LINGO2: variants seen among roughly 807,000 people sequenced by gnomAD.
The protein encoded by LINGO2 is leucine-rich repeat and immunoglobulin-like domain-containing nogo receptor-interacting protein 2.
LINGO2 carries 14 observed loss-of-function variants against 30.6 expected under a neutral mutation model. The observed-to-expected ratio is 0.46, with a 90% CI of 0.30 to 0.72. The LOEUF (loss-of-function observed/expected upper bound fraction) is 0.72, where lower values mean the gene tolerates loss of function less well. Among genes scored for constraint, LINGO2 ranks in the 30% least tolerant of loss-of-function variants. LINGO2 has a pLI of 0.07. For missense variants in LINGO2, 729 were observed against 751.7 expected (o/e 0.97, Z 0.35); for synonymous variants, 317 against 288.5 (o/e 1.10, Z -1.00).
the LINGO2 span, among the ~76,000 whole-genome samples, chr9:28,910,206 C>T: frequency 6.6e-6 from 1 of 151,846 alleles, no homozygotes; most frequent in Non-Finnish European, 1.5e-5. Flanking sequence ...TATCTCTTTT[C>T]TTAAATGTTG....
chr9:28,387,374 T>C (rs1821628155), intron 2 of LINGO2, among the ~76,000 whole-genome samples: 1 of 152,194 alleles, frequency 6.6e-6, no homozygotes. Flanking sequence ...ATCAGCACTC[T>C]GTAAAAATGG....
chr9:28,725,334 A>G, the LINGO2 span, among the ~76,000 whole-genome samples: 1 of 151,832 alleles, frequency 6.6e-6, no homozygotes, highest in South Asian at 2.1e-4. Flanking sequence ...ATTAATATTG[A>G]AAAAAAATCA....
intron 4 of LINGO2, among the ~76,000 whole-genome samples, chr9:28,054,361 A>G (rs1021253819): frequency 2.0e-5 from 3 of 152,060 alleles, no homozygotes; most frequent in Admixed American, 2.0e-4. Context: ...TTTTACTTAG[A>G]TGCTACAAGA....
In LINGO2 at chr9:28,576,175, T is replaced by C. The variant is rs180674415; in HGVS notation, c.-365+94025A>G. ...TGGGCAAAATCATTTGGCAACACTG[T>C]ACGCTCATAGAGTCTCAATTATTCA... On this transcript the variant is annotated intron_variant, in intron 1 of 5. Transcript: ENST00000379992. Among the ~76,000 whole-genome samples, 78 of 152,358 alleles carry C rather than the reference T, an allele frequency of 5.1e-4. 1 individual carries two copies. Among genetic ancestry groups the C allele is most frequent in the African/African-American group, 1.7e-3 (71 of 41,588 alleles).
At chr9:28,761,669 ATATCT>A in the LINGO2 span, among the ~76,000 whole-genome samples, 1,457 of 152,132 alleles carry the variant, frequency 9.6e-3, 15 homozygotes, top group Middle Eastern at 0.054. Flanking sequence ...AAGGAAAATA[ATATCT>A]TATAGTGATA....
chr9:28,701,421 C>T, the LINGO2 span, among the ~76,000 whole-genome samples: 3 of 151,866 alleles, frequency 2.0e-5, no homozygotes, highest in South Asian at 6.2e-4. Context: ...ATTTTTTTCT[C>T]CATTCTATTG....
intron 4 of LINGO2, among the ~76,000 whole-genome samples, chr9:28,195,449 T>C (rs191404621): frequency 6.8e-6 from 1 of 147,114 alleles, no homozygotes; most frequent in East Asian, 1.9e-4. Context: ...TAATAAAAAA[T>C]AGAAACATGG....
the LINGO2 span, among the ~76,000 whole-genome samples, chr9:28,762,029 T>G: frequency 6.6e-6 from 1 of 151,728 alleles, no homozygotes. Flanking sequence ...ATTCTGTACC[T>G]TTGTGGACAG....
chr9:29,003,990 A>G, the LINGO2 span, among the ~76,000 whole-genome samples: 1 of 151,974 alleles, frequency 6.6e-6, no homozygotes, highest in Non-Finnish European at 1.5e-5. Context: ...TCTAAAAATG[A>G]CACTTTCTTC....
chr9:28,759,169 G>C, the LINGO2 span, among the ~76,000 whole-genome samples: 1 of 152,026 alleles, frequency 6.6e-6, no homozygotes, highest in South Asian at 2.1e-4. Context: ...TAGTAGAGGA[G>C]AGACTCTATG....
the LINGO2 span, among the ~76,000 whole-genome samples, chr9:28,808,513 C>G: frequency 6.6e-6 from 1 of 152,170 alleles, no homozygotes; most frequent in Admixed American, 6.5e-5. Flanking sequence ...GAGGAAAGCT[C>G]TAGCTTTATC....
chr9:28,260,139 G>A (rs796152336), intron 4 of LINGO2, among the ~76,000 whole-genome samples: 37 of 151,512 alleles, frequency 2.4e-4, no homozygotes, highest in African/African-American at 8.5e-4. Flanking sequence ...AAATTATATC[G>A]TGATAACCCC....
At chr9:28,079,475 A>G (rs1287945751) in intron 4 of LINGO2, among the ~76,000 whole-genome samples, 1 of 152,210 alleles carries the variant, frequency 6.6e-6, no homozygotes, top group African/African-American at 2.4e-5. Context: ...CTTTACCTTT[A>G]TAAAACTACT....
At chr9:27,995,392 C>G (rs1821608510) in intron 5 of LINGO2, among the ~76,000 whole-genome samples, 1 of 152,168 alleles carries the variant, frequency 6.6e-6, no homozygotes, top group Non-Finnish European at 1.5e-5. Context: ...ATGAGGCCAG[C>G]TTTACCCTGC....
intron 4 of LINGO2, among the ~76,000 whole-genome samples, chr9:28,284,884 GA>G (rs909809461): frequency 1.2e-4 from 18 of 152,284 alleles, no homozygotes; most frequent in Non-Finnish European, 2.5e-4. Context: ...CTATATATTA[GA>G]TTATTAAGGA....
the LINGO2 span, among the ~76,000 whole-genome samples, chr9:28,932,179 G>A: frequency 2.2e-5 from 3 of 133,822 alleles, no homozygotes; most frequent in East Asian, 4.1e-4. Flanking sequence ...GGCCGGGGGG[G>A]ATCTTGGCAA....
At chr9:28,258,291 G>T (rs973013144) in intron 4 of LINGO2, among the ~76,000 whole-genome samples, 4 of 151,830 alleles carry the variant, frequency 2.6e-5, no homozygotes, top group African/African-American at 9.7e-5. Context: ...TAGGAGAGGA[G>T]AAAAATCTCT....
chr9:28,911,530 A>T, the LINGO2 span, among the ~76,000 whole-genome samples: 14 of 152,234 alleles, frequency 9.2e-5, no homozygotes, highest in East Asian at 2.7e-3. Context: ...AAATAACAGA[A>T]TTGTAAATGA....
At chr9:28,938,453 A>C in the LINGO2 span, among the ~76,000 whole-genome samples, 1 of 152,190 alleles carries the variant, frequency 6.6e-6, no homozygotes, top group African/African-American at 2.4e-5. Flanking sequence ...TATATACTAC[A>C]TATAGTCATG....
Sources: allele counts gnomAD v4.1 joint callset (sites outside exome capture counted in the v4.1 genomes callset), GRCh38; gene constraint gnomAD v4.1.1; transcripts MANE v1.5; gene names NCBI Gene and HGNC (gene_info 2026-07-23, HGNC 2026-07-21).